Variants in PDE4B observed in about 807,000 individuals in gnomAD.
PDE4B encodes the protein phosphodiesterase 4B, also known as 3',5'-cyclic-AMP phosphodiesterase 4B.
In PDE4B, 20 loss-of-function variants were observed where a neutral mutation model predicts 82.2. The ratio of observed to expected loss-of-function variants is 0.24; its 90% CI spans 0.17 to 0.35. The LOEUF (loss-of-function observed/expected upper bound fraction) is 0.35. Ranked by LOEUF, PDE4B falls within the 10% of genes least tolerant of loss-of-function variation. PDE4B has a pLI of 1.00. For missense variants in PDE4B, 655 were observed against 907.2 expected, an observed-to-expected ratio of 0.72 and a Z score of 3.57; for synonymous variants, 320 against 318.9, an observed-to-expected ratio of 1.00 and a Z score of -0.04.
At chr1:66,118,872 T>C (rs1645651777) in intron 3 of PDE4B, among the ~76,000 whole-genome samples, 1 of 152,198 alleles carries the variant, frequency 6.6e-6, no homozygotes, top group Non-Finnish European at 1.5e-5. Flanking sequence ...TTCTTGTTTC[T>C]TGGTGAATTC....
chr1:66,332,815 C>A (rs760175203), intron 8 of PDE4B, among the ~76,000 whole-genome samples, 195 bp downstream of exon 8: 3 of 152,204 alleles, frequency 2.0e-5, no homozygotes, highest in Non-Finnish European at 4.4e-5. Context: ...GTTTAAAATC[C>A]TCAGTACGCT....
chr1:65,924,094 A>G (rs2100494629), intron 3 of PDE4B, among the ~76,000 whole-genome samples: 1 of 1,564 alleles, frequency 6.4e-4, no homozygotes, highest in African/African-American at 7.5e-4. Context: ...TTTTTTTTTG[A>G]GACGGAGTCT....
intron 3 of PDE4B, among the ~76,000 whole-genome samples, chr1:66,132,181 G>A (rs578144975): frequency 2.2e-4 from 34 of 152,266 alleles, no homozygotes; most frequent in Admixed American, 1.9e-3. Flanking sequence ...TGACTTTAGA[G>A]TGTCCCTGAA....
At chr1:65,891,433 T>C (rs1193659572) in intron 1 of PDE4B, among the ~76,000 whole-genome samples, 2 of 152,072 alleles carry the variant, frequency 1.3e-5, no homozygotes, top group East Asian at 3.8e-4. Context: ...TTTATAGCCC[T>C]TATAAAGTTA....
chr1:65,847,928 G>A lies in PDE4B; in HGVS notation c.-71+54680G>A, dbSNP rs776160941. On this transcript the variant is annotated intron_variant, in intron 1 of 16. Transcript: ENST00000341517. ...AATTTTGTGAATTCATAAATCGTAA[G>A]CAGATGACTGGGCCAATTGTTTTTG... Among the ~76,000 whole-genome samples, 89 of 148,690 alleles carry A rather than the reference G, an allele frequency of 6.0e-4. 2 individuals are homozygous for A. The highest frequency in any genetic ancestry group is 2.4e-4 in the Non-Finnish European group (16 of 67,882).
At chr1:66,370,150 C>CAAAAAAAAAAAAAAAAAAA (rs752920376) in intron 16 of PDE4B, among the ~76,000 whole-genome samples, 2 of 28,620 alleles carry the variant, frequency 7.0e-5, no homozygotes, top group African/African-American at 9.0e-5. Flanking sequence ...GACTCTATCT[C>CAAAAAAAAAAAAAAAAAAA]AAAAAAAAAA....
intron 3 of PDE4B, among the ~76,000 whole-genome samples, chr1:66,076,183 T>G (rs1211401469): frequency 2.0e-5 from 3 of 152,128 alleles, no homozygotes; most frequent in Non-Finnish European, 2.9e-5. Flanking sequence ...CTTGCCCACC[T>G]GCTCTTCTTA....
chr1:66,032,918 T>C (rs557663640), intron 3 of PDE4B, among the ~76,000 whole-genome samples: 1 of 151,732 alleles, frequency 6.6e-6, no homozygotes, highest in African/African-American at 2.4e-5. Flanking sequence ...CCTCCCAAAG[T>C]GCTGGGATTA....
At chr1:65,923,058 T>C (rs746800616) in intron 3 of PDE4B, among the ~76,000 whole-genome samples, 1 of 151,662 alleles carries the variant, frequency 6.6e-6, no homozygotes, top group Non-Finnish European at 1.5e-5. Flanking sequence ...TAAACTGAAG[T>C]TCAAAAAATG....
At chr1:66,313,049 C>G (rs1658779136) in intron 7 of PDE4B, among the ~76,000 whole-genome samples, 1 of 152,198 alleles carries the variant, frequency 6.6e-6, no homozygotes, top group African/African-American at 2.4e-5. Flanking sequence ...GCCTGCCTCT[C>G]CAGCAGTTCC....
chr1:66,262,013 A>G (rs1032276529), intron 6 of PDE4B, among the ~76,000 whole-genome samples: 3 of 152,192 alleles, frequency 2.0e-5, no homozygotes, highest in African/African-American at 4.8e-5. Flanking sequence ...CATCAACATC[A>G]TGAATGTCAC....
At chr1:66,118,503 T>C (rs1037215156) in intron 3 of PDE4B, among the ~76,000 whole-genome samples, 2 of 150,418 alleles carry the variant, frequency 1.3e-5, no homozygotes, top group African/African-American at 2.5e-5. Context: ...TTCTCACTCA[T>C]AGGTGGGAAT....
intron 3 of PDE4B, among the ~76,000 whole-genome samples, chr1:66,167,371 A>G (rs1372450288): frequency 2.0e-5 from 3 of 152,240 alleles, no homozygotes; most frequent in Admixed American, 6.5e-5. Flanking sequence ...GTAAAAAGCA[A>G]TAAAGTACTG....
At chr1:66,284,276 G>A (rs776332850) in intron 7 of PDE4B, among the ~76,000 whole-genome samples, 12 of 152,000 alleles carry the variant, frequency 7.9e-5, no homozygotes, top group Admixed American at 2.0e-4. Flanking sequence ...CCCATAGCTC[G>A]GTCATTCATT....
intron 3 of PDE4B, among the ~76,000 whole-genome samples, chr1:66,008,580 C>T (rs145406937): frequency 1.4e-4 from 22 of 152,186 alleles, no homozygotes; most frequent in Non-Finnish European, 2.2e-4. Context: ...CTCTTTGACC[C>T]GAGGCACTCC....
At chr1:65,813,162 C>T (rs1645839234) in intron 1 of PDE4B, among the ~76,000 whole-genome samples, 1 of 152,098 alleles carries the variant, frequency 6.6e-6, no homozygotes, top group Non-Finnish European at 1.5e-5. Context: ...TATTTAAATT[C>T]ATACAGAAAA....
intron 3 of PDE4B, among the ~76,000 whole-genome samples, chr1:66,072,596 A>G (rs1028521100): frequency 3.9e-5 from 6 of 152,098 alleles, no homozygotes; most frequent in African/African-American, 1.4e-4. Context: ...TGTTTTGAGA[A>G]TCTTGGTGCC....
chr1:65,831,142 A>G (rs1227454229), intron 1 of PDE4B, among the ~76,000 whole-genome samples: 1 of 152,028 alleles, frequency 6.6e-6, no homozygotes, highest in Admixed American at 6.6e-5. Context: ...TTAGAGAAAG[A>G]AGAACAAGTT....
chr1:66,011,221 G>GA (rs1269995456), intron 3 of PDE4B, among the ~76,000 whole-genome samples: 2 of 45,620 alleles, frequency 4.4e-5, no homozygotes, highest in Non-Finnish European at 9.0e-5. Flanking sequence ...ACATTCATCT[G>GA]CCAAAAAAAA....
Sources: gnomAD v4.1 joint callset for allele counts (sites outside exome capture counted in the v4.1 genomes callset) on GRCh38, gnomAD v4.1.1 for gene constraint, MANE v1.5 for transcripts, NCBI Gene and HGNC (gene_info 2026-07-23, HGNC 2026-07-21) for gene names.